ATRN: variants seen among roughly 807,000 people sequenced by gnomAD.
The protein encoded by ATRN is attractin, also known as attractin-2.
A neutral mutation model predicts 178.7 loss-of-function variants in ATRN; 54 were observed. The observed-to-expected ratio is 0.30, with a 90% confidence interval of 0.24 to 0.38. The LOEUF (loss-of-function observed/expected upper bound fraction) is 0.38, where lower values mean the gene tolerates loss of function less well. Among genes scored for constraint, ATRN ranks in the 10% least tolerant of loss-of-function variants. The probability of loss-of-function intolerance (pLI) is 1.00; values close to 1 mark genes in which losing one functional copy is unlikely to be tolerated. For missense variants in ATRN, 1,443 were observed against 1,815.1 expected (o/e 0.79, Z 3.73); for synonymous variants, 636 against 663.0 (o/e 0.96, Z 0.63).
At chr20:3,554,305 T>A (rs1045975004) in intron 6 of ATRN, among the ~76,000 whole-genome samples, 1 of 139,180 alleles carries the variant, frequency 7.2e-6, no homozygotes, top group African/African-American at 2.7e-5. Context: ...GATTACAGAT[T>A]TTTATTTATT....
intron 27 of ATRN, among the ~76,000 whole-genome samples, chr20:3,641,497 A>G (rs570454124): frequency 6.7e-6 from 1 of 148,566 alleles, no homozygotes; most frequent in East Asian, 2.1e-4. Flanking sequence ...AGGCTGAGGC[A>G]TGAGAATCAT....
intron 28 of ATRN, among the ~76,000 whole-genome samples, chr20:3,644,690 A>T (rs74180400): frequency 0.12 from 18,557 of 152,156 alleles, 1,460 homozygotes; most frequent in Non-Finnish European, 0.18. Context: ...CACAACTTCC[A>T]GCCATCTCCC....
intron 1 of ATRN, among the ~76,000 whole-genome samples, chr20:3,478,676 A>G (rs2084567495): frequency 1.3e-5 from 2 of 152,148 alleles, no homozygotes; most frequent in Admixed American, 1.3e-4. Flanking sequence ...CCAGAACTTA[A>G]AGTGTAATAA....
chr20:3,622,996 A>C (rs1376003655), intron 24 of ATRN, among the ~76,000 whole-genome samples: 1 of 152,226 alleles, frequency 6.6e-6, no homozygotes, highest in African/African-American at 2.4e-5. Flanking sequence ...GGTTTTTGGC[A>C]TCTAGCAGGG....
intron 1 of ATRN, among the ~76,000 whole-genome samples, chr20:3,491,251 G>A (rs75138564): frequency 0.039 from 5,923 of 152,160 alleles, 158 homozygotes; most frequent in Non-Finnish European, 0.057. Flanking sequence ...AAATGAAATT[G>A]TTCTCTTGTT....
At chr20:3,506,081 TACAC>T (rs767968285) in intron 1 of ATRN, among the ~76,000 whole-genome samples, 108 of 151,164 alleles carry the variant, frequency 7.1e-4, no homozygotes, top group Non-Finnish European at 1.1e-3. Flanking sequence ...CACATACACA[TACAC>T]ACACACACAA....
At position 3,498,532 on chromosome 20, in the gene ATRN, G is replaced by A. The variant is rs1279634384; in HGVS notation, c.410+27015G>A. ...GGGATGCAAGGCTGGTTCAATATAC[G>A]CAAATCAATAAATGTAATCCAGCAT... is the stretch of plus-strand genomic sequence containing the variant. On this transcript the variant is annotated intron_variant, in intron 1 of 28. Transcript: ENST00000262919. Among the ~76,000 whole-genome samples the A allele has an allele frequency of 4.0e-5, 6 of 151,672 alleles. No individual in the cohort carries two copies. In the East Asian group the frequency reaches 5.8e-4, roughly 15 times the overall value.
rs373698345 is a variant in ATRN at position 3,631,343 on chromosome 20, T to G, written c.3864-2968T>G. ...TCTGAAGAATGGCTCATATAATATA[T>G]GGAAAAAAGAACAAAAGTCGGGGGG... On this transcript the variant is annotated intron_variant, in intron 25 of 28. Transcript: ENST00000262919. Among the ~76,000 whole-genome samples, 31 of 152,024 alleles carry G rather than the reference T, an allele frequency of 2.0e-4. No individual in the cohort carries two copies. In the East Asian group the frequency reaches 5.2e-3, roughly 26 times the overall value.
At chr20:3,490,211 A>G (rs967365839) in intron 1 of ATRN, 1 of 1,522,756 alleles carries the variant, frequency 6.6e-7, no homozygotes, top group South Asian at 1.1e-5. Context: ...TTTCAAGCCT[A>G]AAGCTAAGAG....
intron 24 of ATRN, among the ~76,000 whole-genome samples, chr20:3,620,983 TA>T (rs983029091): frequency 2.0e-5 from 3 of 152,182 alleles, no homozygotes; most frequent in Non-Finnish European, 4.4e-5. Context: ...TTTTTTATTT[TA>T]TTTTTTTTTA....
At chr20:3,630,282 A>T (rs986139202) in intron 25 of ATRN, among the ~76,000 whole-genome samples, 3 of 152,184 alleles carry the variant, frequency 2.0e-5, no homozygotes, top group South Asian at 2.1e-4. Flanking sequence ...GAATATATTC[A>T]TATGTTTACT....
intron 1 of ATRN, among the ~76,000 whole-genome samples, chr20:3,515,207 A>G (rs1357977836): frequency 6.6e-6 from 1 of 152,194 alleles, no homozygotes; most frequent in Non-Finnish European, 1.5e-5. Flanking sequence ...TTTTAAACAG[A>G]TGTTATGCTT....
In ATRN at chr20:3,604,237, A is replaced by G. The variant is rs886352536; in HGVS notation, c.3776A>G (p.Asn1259Ser). The change falls in exon 24 of 29, where the codon AAT (asparagine) becomes AGT (serine). Residue 1259 changes from asparagine to serine, a missense_variant. This residue lies in a region of ATRN where 289 missense variants were observed against 440.8 expected (regional missense o/e 0.66). Transcript: ENST00000262919. Reference sequence around the variant, plus strand: ...ATCACTTTCTTTGTTTATGTCAGTAATTTCACCTGGCCCATCAAAATTCAG... The same window carrying G: ...ATCACTTTCTTTGTTTATGTCAGTAGTTTCACCTGGCCCATCAAAATTCAG... ...PNITFFVYVS[N>S]FTWPIKIQIA... is the part of the protein sequence containing the mutation. 1.9e-6 allele frequency: 3 copies of G among 1,608,054 alleles called. No individual in the cohort carries two copies. The highest frequency in any genetic ancestry group is 2.5e-6 in the Non-Finnish European group (3 of 1,178,350).
At chr20:3,589,739 G>T (rs1291324848) in intron 18 of ATRN, among the ~76,000 whole-genome samples, 1 of 152,102 alleles carries the variant, frequency 6.6e-6, no homozygotes, top group East Asian at 1.9e-4. Flanking sequence ...TAGCAAGCCA[G>T]CCTCAGGACA....
intron 27 of ATRN, among the ~76,000 whole-genome samples, chr20:3,639,563 T>C (rs2087051858): frequency 6.6e-6 from 1 of 152,124 alleles, no homozygotes; most frequent in Admixed American, 6.5e-5. Context: ...TATTTTTCTT[T>C]ATATTTTGGG....
chr20:3,560,189 T>C (rs2085931607), intron 7 of ATRN, among the ~76,000 whole-genome samples: 1 of 152,162 alleles, frequency 6.6e-6, no homozygotes, highest in Admixed American at 6.5e-5. Context: ...ACCAGTCTAC[T>C]CTCTATCTTC....
intron 25 of ATRN, chr20:3,628,901 C>T (rs2086967321): frequency 1.0e-6 from 1 of 985,152 alleles, no homozygotes; most frequent in Admixed American, 6.2e-5. Flanking sequence ...TTTTCCCAGA[C>T]CTTGACCCTG....
intron 1 of ATRN, among the ~76,000 whole-genome samples, chr20:3,491,532 G>A (rs553395178): frequency 3.9e-4 from 60 of 152,246 alleles, no homozygotes; most frequent in African/African-American, 1.3e-3. Context: ...GTTCTTCTGG[G>A]TACTTGCTGT....
intron 1 of ATRN, among the ~76,000 whole-genome samples, chr20:3,497,508 G>A (rs911856207): frequency 6.6e-6 from 1 of 152,158 alleles, no homozygotes; most frequent in African/African-American, 2.4e-5. Flanking sequence ...CTTCTGGCTT[G>A]TAGAGTTTCT....
Sources: allele counts gnomAD v4.1 joint callset (sites outside exome capture counted in the v4.1 genomes callset), GRCh38; gene constraint gnomAD v4.1.1; regional missense constraint gnomAD v4.1.1; transcripts MANE v1.5; gene names NCBI Gene and HGNC (gene_info 2026-07-23, HGNC 2026-07-21).